Variants in ELN observed in about 807,000 individuals in gnomAD.
ELN encodes elastin, also known as tropoelastin.
In ELN, 65 loss-of-function variants were observed where a neutral mutation model predicts 105.8. The observed-to-expected ratio is 0.61, with a 90% CI of 0.50 to 0.75. ELN has a LOEUF of 0.75. Among genes scored for constraint, ELN ranks in the 30% least tolerant of loss-of-function variants. The pLI is 0.00. For missense variants in ELN, 882 were observed against 969.4 expected, an observed-to-expected ratio of 0.91 and a Z score of 1.20; for synonymous variants, 368 against 389.2, an observed-to-expected ratio of 0.95 and a Z score of 0.64.
At position 74,036,539 on chromosome 7, in the gene ELN, T is replaced by C. The variant is rs782791376; in HGVS notation, c.134-16T>C. On this transcript the variant is annotated splice_polypyrimidine_tract_variant and intron_variant, in intron 2 of 32. Transcript: ENST00000252034. ...AAGTACCGATGATCTCTCTTTCTCTTTCTCTCCCCCCACAGGGGCTGGTCT... is the reference window on the plus strand; with the variant it reads ...AAGTACCGATGATCTCTCTTTCTCTCTCTCTCCCCCCACAGGGGCTGGTCT... The C allele has an allele frequency of 1.4e-5, 23 of 1,613,756 alleles. No individual in the cohort carries two copies. Among genetic ancestry groups the C allele is most frequent in the Middle Eastern group, 1.6e-4 (1 of 6,084 alleles).
intron 1 of ELN, among the ~76,000 whole-genome samples, chr7:74,032,172 A>G (rs1030365723): frequency 6.6e-6 from 1 of 152,204 alleles, no homozygotes; most frequent in African/African-American, 2.4e-5. Context: ...CGTGATTCTA[A>G]GATGCAAGAG....
intron 31 of ELN, among the ~76,000 whole-genome samples, chr7:74,066,521 C>T (rs782666162): frequency 1.3e-4 from 20 of 151,966 alleles, no homozygotes; most frequent in Non-Finnish European, 2.5e-4. Context: ...GAGCCAAGAT[C>T]GCACCACTGC....
At chr7:74,030,954 G>A (rs1466794520) in intron 1 of ELN, among the ~76,000 whole-genome samples, 3 of 151,878 alleles carry the variant, frequency 2.0e-5, no homozygotes, top group African/African-American at 7.3e-5. Flanking sequence ...AGGGGACACA[G>A]TCACCCAGTG....
At chr7:74,050,651 A>G (rs782513564) in intron 15 of ELN, among the ~76,000 whole-genome samples, 1 of 151,508 alleles carries the variant, frequency 6.6e-6, no homozygotes, top group Non-Finnish European at 1.5e-5. Flanking sequence ...TCTTTCCTCC[A>G]TGCATTCATC....
chr7:74,060,099 C>T (rs782056446), intron 23 of ELN, 41 bp from the exon 24 acceptor site: 4 of 1,614,134 alleles, frequency 2.5e-6, no homozygotes, highest in Admixed American at 3.3e-5. Context: ...CTCCATGGGC[C>T]CCGCCTCCAT....
Position 74,064,426 on chromosome 7 carries a change from ATATAT to A in ELN, c.1993+732_1993+736del, listed in dbSNP as rs1563875975. The stretch of plus-strand genomic sequence containing the variant: ...CGAGACTCCGTCTCAAAAAAAAAAT[ATATAT>A]ATATATATATATATGTATGTATGTA... On this transcript the variant is annotated intron_variant, in intron 29 of 32. Transcript: ENST00000252034. Among the ~76,000 whole-genome samples, 113 of 137,206 alleles carry A rather than the reference ATATAT, an allele frequency of 8.2e-4. 1 individual carries two copies. Among genetic ancestry groups the A allele is most frequent in the African/African-American group, 3.1e-3 (112 of 36,194 alleles). 90.0% of individuals were successfully genotyped at this position (137,206 alleles called of 152,430 possible). A position where few individuals can be genotyped will look rare whatever the true frequency, so the allele number is the denominator to read the frequency against.
intron 10 of ELN, 58 bp downstream of exon 10, chr7:74,045,351 C>G: frequency 1.9e-6 from 3 of 1,599,028 alleles, no homozygotes; most frequent in Admixed American, 1.7e-5. Flanking sequence ...ACCTTCTGGC[C>G]CCGGGTGTGA....
intron 13 of ELN, 85 bp from the exon 14 acceptor site, chr7:74,048,056 TG>T: frequency 3.2e-6 from 5 of 1,544,636 alleles, no homozygotes; most frequent in Non-Finnish European, 4.5e-6. Flanking sequence ...CAGGACAGCT[TG>T]GGCCCCGAGG....
In ELN at chr7:74,045,245, G is replaced by T. The variant is rs61734581; in HGVS notation, c.493G>T (p.Val165Leu). 1,362 of 1,614,168 alleles carry T rather than the reference G, an allele frequency of 8.4e-4. 9 individuals carry two copies. In the African/African-American group the frequency reaches 0.015, roughly 18 times the overall value. ...AGGAGCTCGGTTCCCCGGTGTGGGG[G>T]TGCTCCCTGGAGTTCCCACTGGAGC... Reference protein sequence around the residue: ...LPGARFPGVGVLPGVPTGAGV... With the variant: ...LPGARFPGVGLLPGVPTGAGV... Residue 165 changes from valine to leucine, a missense_variant, in exon 10 of 33, where the codon GTG becomes TTG. Physicochemically the swap from Val to Leu is conservative, Grantham distance 32. Transcript: ENST00000252034.
chr7:74,037,436 C>T (rs370428178), intron 3 of ELN, among the ~76,000 whole-genome samples: 12 of 151,096 alleles, frequency 7.9e-5, no homozygotes, highest in Admixed American at 1.3e-4. Flanking sequence ...TCAGATGATC[C>T]GCCTGCCTCA....
intron 25 of ELN, chr7:74,060,713 C>A: frequency 7.6e-7 from 1 of 1,320,006 alleles, no homozygotes; most frequent in Non-Finnish European, 1.0e-6. Context: ...GAGTATCTGC[C>A]TCCTCAGTAG....
intron 18 of ELN, 54 bp from the exon 19 acceptor site, chr7:74,054,662 C>T: frequency 6.3e-7 from 1 of 1,576,356 alleles, no homozygotes; most frequent in East Asian, 2.2e-5. Context: ...ATACATACTA[C>T]ACAGCTCTCC....
chr7:74,029,753 C>T (rs1388932863), intron 1 of ELN, among the ~76,000 whole-genome samples: 2 of 152,256 alleles, frequency 1.3e-5, no homozygotes, highest in African/African-American at 4.8e-5. Flanking sequence ...AGCCCCCAAA[C>T]ACCCAGCCAC....
rs1041730800 is a variant in ELN at position 74,063,444 on chromosome 7, G to C, written c.1918+75G>C. 5 of 1,559,562 alleles carry C rather than the reference G, an allele frequency of 3.2e-6. No individual in the cohort carries two copies. The Admixed American group carries it at 5.8e-5, about 18-fold the overall frequency. On this transcript the variant is annotated intron_variant, in intron 28 of 32. Transcript: ENST00000252034. The surrounding 1 kb of genome is among the most constrained non-coding windows in gnomAD (Gnocchi z 4.1). ...GGGTGTGGGAGGAGCTTCTGACCAG[G>C]CACTGTAGACTCAGAGTCCCTGCCC... is the stretch of plus-strand genomic sequence containing the variant.
At position 74,068,772 on chromosome 7, in the gene ELN, T is replaced by C; in HGVS notation, c.*72T>C. 6.3e-7 allele frequency: 1 copy of C among 1,583,394 alleles called. No homozygotes were observed. On this transcript the variant is annotated 3_prime_UTR_variant, in exon 33 of 33. Transcript: ENST00000252034. Reference sequence around the variant, plus strand: ...TGCTTGGTGGAGAATGTAAACCCTTTGTAACCCCATCCCATGCCCCTCCGA... The same window carrying C: ...TGCTTGGTGGAGAATGTAAACCCTTCGTAACCCCATCCCATGCCCCTCCGA...
intron 4 of ELN, among the ~76,000 whole-genome samples, chr7:74,038,663 C>T (rs1254675295): frequency 6.6e-6 from 1 of 152,248 alleles, no homozygotes; most frequent in African/African-American, 2.4e-5. Flanking sequence ...AGACGCTCCA[C>T]ATGTGACTTT....
intron 10 of ELN, chr7:74,045,975 C>T (rs565060322): frequency 6.6e-6 from 4 of 601,640 alleles, no homozygotes; most frequent in South Asian, 4.1e-5. Flanking sequence ...GCAGAGGTTG[C>T]GGTGAGTTGA....
rs1280128851 is a variant in ELN at position 74,060,370 on chromosome 7, C to T, written c.1622-6C>T. The T allele has an allele frequency of 1.2e-5, 19 of 1,614,058 alleles. No homozygotes were observed. In the African/African-American group the frequency reaches 2.1e-4, roughly 18 times the overall value. Reference sequence around the variant, plus strand: ...TGCTGTCGCCACCACTGCCCTCTGTCTGCAGGAGCTGCAGCTGGGCTTGGT... The same window carrying T: ...TGCTGTCGCCACCACTGCCCTCTGTTTGCAGGAGCTGCAGCTGGGCTTGGT... On this transcript the variant is annotated splice_region_variant and splice_polypyrimidine_tract_variant and intron_variant, in intron 24 of 32. Coordinates refer to ENST00000252034, the MANE Select transcript of ELN (RefSeq NM_000501.4).
chr7:74,036,635 C>G lies in ELN; in HGVS notation c.163+51C>G, dbSNP rs55820319. 3.8e-4 allele frequency: 618 copies of G among 1,613,520 alleles called. 3 individuals are homozygous for G. The highest frequency in any genetic ancestry group is 4.7e-4 in the Non-Finnish European group (553 of 1,179,742). On this transcript the variant is annotated intron_variant, in intron 3 of 32. Transcript: ENST00000252034. ...ATCACTGAAAGGGCCTGGGTTTCAC[C>G]CGAGCCACATGCATCCTCAGACCTG...
Sources: allele counts gnomAD v4.1 joint callset (sites outside exome capture counted in the v4.1 genomes callset), GRCh38; gene constraint gnomAD v4.1.1; non-coding constraint Gnocchi (gnomAD v3.1); transcripts MANE v1.5; gene names NCBI Gene and HGNC (gene_info 2026-07-23, HGNC 2026-07-21).